The following EMP1 variants were observed in gnomAD, a reference collection of about 807,000 sequenced individuals.
EMP1 encodes the protein tumor-associated membrane protein.
EMP1 carries 5 observed loss-of-function variants against 15.7 expected under a neutral mutation model. The ratio of observed to expected loss-of-function variants is 0.32; its 90% CI spans 0.17 to 0.67. The LOEUF is 0.67. EMP1 is among the 30% of genes least tolerant of loss of function. EMP1 has a pLI of 0.74. For missense variants in EMP1, 166 were observed against 194.2 expected, an observed-to-expected ratio of 0.85 and a Z score of 0.86; for synonymous variants, 78 against 76.7, an observed-to-expected ratio of 1.02 and a Z score of -0.09.
At chr12:13,210,362 G>C (rs1864153819) in intron 1 of EMP1, among the ~76,000 whole-genome samples, 1 of 152,168 alleles carries the variant, frequency 6.6e-6, no homozygotes, top group Admixed American at 6.5e-5. Flanking sequence ...CTCTGAGCCT[G>C]CACTGCTTTG....
chr12:13,218,211 A>G lies in EMP1; in HGVS notation c.*3520A>G, dbSNP rs1200498862. 6.6e-6 allele frequency: 1 copy of G among 152,226 alleles called. No homozygotes were observed. The highest frequency in any genetic ancestry group is 1.5e-5 in the Non-Finnish European group (1 of 68,046). 9.4% of individuals were successfully genotyped at this position (152,226 alleles called of 1,614,324 possible). ...ATCCCACTCTGCCTTGGATTTAGCC[A>G]TCGCAGTCCCTGTGTAAAACCCCAC... On this transcript the variant is annotated 3_prime_UTR_variant, in exon 5 of 5. Transcript: ENST00000256951.
intron 1 of EMP1, among the ~76,000 whole-genome samples, chr12:13,210,176 A>G (rs1255571145): frequency 1.3e-5 from 2 of 152,216 alleles, no homozygotes; most frequent in African/African-American, 4.8e-5. Context: ...TAAATACCTG[A>G]TGTGGCATGA....
At position 13,213,481 on chromosome 12, in the gene EMP1, C is replaced by G. The variant is rs1014514884; in HGVS notation, c.81C>G (p.Val27=). The G allele has an allele frequency of 1.9e-6, 3 of 1,613,988 alleles. No individual in the cohort carries two copies. The highest frequency in any genetic ancestry group is 4.5e-5 in the East Asian group (2 of 44,882). ...ATTTTCTTTCCTTCTGGTTTCAGGT[C>G]TGGTTGGTTTCCAATACGGTAGATG... is the stretch of plus-strand genomic sequence containing the variant. ...IMLFVSTIAN[V]WLVSNTVDAS... The change falls in exon 3 of 5, where the codon GTC becomes GTG. Residue 27 remains valine, a splice_region_variant and synonymous_variant. Coordinates refer to ENST00000256951, the MANE Select transcript of EMP1 (RefSeq NM_001423.3).
chr12:13,197,850 G>T (rs1418368623), intron 1 of EMP1, among the ~76,000 whole-genome samples: 1 of 152,146 alleles, frequency 6.6e-6, no homozygotes, highest in East Asian at 1.9e-4. Flanking sequence ...GAGGCAAATG[G>T]TGTTTTAAAT....
intron 2 of EMP1, among the ~76,000 whole-genome samples, chr12:13,212,696 C>A (rs1864176726): frequency 6.6e-6 from 1 of 152,220 alleles, no homozygotes; most frequent in Admixed American, 6.5e-5. Context: ...GAATGAAGAG[C>A]AGGGATTGGC....
Position 13,213,836 on chromosome 12 carries a change from G to T in EMP1, c.316+15G>T, listed in dbSNP as rs1323554117. 2 of 1,612,976 alleles carry T rather than the reference G, an allele frequency of 1.2e-6. No individual in the cohort carries two copies. The highest frequency in any genetic ancestry group is 2.7e-5 in the African/African-American group (2 of 74,908). ...ACTGGTGTGCTGTGAGTATCTCATG[G>T]GTAGACTCCAGTTTACACTTTTAAG... On this transcript the variant is annotated intron_variant, in intron 4 of 4. Coordinates refer to ENST00000256951, the MANE Select transcript of EMP1 (RefSeq NM_001423.3).
At chr12:13,213,899 A>T (rs1315101913) in intron 4 of EMP1, 78 bp downstream of exon 4, 1 of 1,582,556 alleles carries the variant, frequency 6.3e-7, no homozygotes, top group African/African-American at 1.3e-5. Context: ...ACTTGAACAG[A>T]TTAGCACATG....
chr12:13,201,238 C>A (rs1864063713), intron 1 of EMP1, among the ~76,000 whole-genome samples: 1 of 152,070 alleles, frequency 6.6e-6, no homozygotes, highest in African/African-American at 2.4e-5. Flanking sequence ...GAGACCCTGT[C>A]TCTAAAAGAA....
chr12:13,210,489 C>T lies in EMP1; in HGVS notation c.-42-980C>T, dbSNP rs1229395727. 2.0e-5 allele frequency among the ~76,000 whole-genome samples: 3 copies of T among 152,304 alleles called. No individual in the cohort carries two copies. The East Asian group carries it at 5.8e-4, about 29-fold the overall frequency. On this transcript the variant is annotated intron_variant, in intron 1 of 4. Transcript: ENST00000256951. ...TCCTAGGCTTTATGATCAATGGGCT[C>T]CCTTCTCTGCTGTGATTATGGCTGA...
intron 1 of EMP1, among the ~76,000 whole-genome samples, chr12:13,202,779 T>A (rs1015239567): frequency 2.6e-5 from 4 of 151,978 alleles, no homozygotes; most frequent in Non-Finnish European, 4.4e-5. Flanking sequence ...TTAAGGGGTA[T>A]ATGCTGACTC....
chr12:13,213,909 G>A (rs949957632), intron 4 of EMP1, 88 bp downstream of exon 4: 1 of 1,568,350 alleles, frequency 6.4e-7, no homozygotes, highest in South Asian at 1.1e-5. Context: ...ATTAGCACAT[G>A]GTTCAGTGAA....
At chr12:13,203,085 CTAGG>C (rs2121147145) in intron 1 of EMP1, among the ~76,000 whole-genome samples, 1 of 152,262 alleles carries the variant, frequency 6.6e-6, no homozygotes, top group Non-Finnish European at 1.5e-5. Flanking sequence ...TGGGGTGTCT[CTAGG>C]CGAGGGGCCT....
rs1864211138 is a variant in EMP1, at chr12:13,215,935, T to C, written c.*1244T>C. The C allele has an allele frequency of 6.2e-6, 1 of 161,662 alleles. No individual in the cohort carries two copies. The highest frequency in any genetic ancestry group is 2.4e-5 in the African/African-American group (1 of 41,444). The allele number at this position is 161,662 out of a possible 1,614,324, so 10.0% of individuals were successfully genotyped here. On this transcript the variant is annotated 3_prime_UTR_variant, in exon 5 of 5. Transcript: ENST00000256951. Reference sequence around the variant, plus strand: ...CAGAGTGCCTGCATTCCCAGGAAAATACGAAAATCCCATGAGATAAATAAA... The same window carrying C: ...CAGAGTGCCTGCATTCCCAGGAAAACACGAAAATCCCATGAGATAAATAAA...
At chr12:13,197,901 T>C (rs529937285) in intron 1 of EMP1, among the ~76,000 whole-genome samples, 1 of 152,272 alleles carries the variant, frequency 6.6e-6, no homozygotes, top group Admixed American at 6.5e-5. Flanking sequence ...CAGGAGCTGA[T>C]GAGGATTCCA....
rs112127969 is a variant in EMP1 at position 13,216,505 on chromosome 12, A to G, written c.*1814A>G. On this transcript the variant is annotated 3_prime_UTR_variant, in exon 5 of 5. Coordinates refer to ENST00000256951, the MANE Select transcript of EMP1 (RefSeq NM_001423.3). ...TATAGAAGGCTGTCTTAGTGCAAAA[A>G]ACATACTTACATTTCAGACATATCC... 1,886 of 700,300 alleles carry G rather than the reference A, an allele frequency of 2.7e-3. 29 individuals carry two copies. The African/African-American group carries it at 0.03, about 11-fold the overall frequency. 43.4% of individuals were successfully genotyped at this position (700,300 alleles called of 1,614,324 possible). A position where few individuals can be genotyped will look rare whatever the true frequency, so the allele number is the denominator to read the frequency against.
At chr12:13,197,311 T>A (rs7132172) in intron 1 of EMP1, among the ~76,000 whole-genome samples, 1 of 152,016 alleles carries the variant, frequency 6.6e-6, no homozygotes, top group African/African-American at 2.4e-5. Flanking sequence ...ACTGTTACTC[T>A]GCTCGCTGGT....
intron 1 of EMP1, among the ~76,000 whole-genome samples, chr12:13,203,219 C>T (rs1300289277): frequency 6.6e-6 from 1 of 152,214 alleles, no homozygotes; most frequent in Non-Finnish European, 1.5e-5. Flanking sequence ...AGGTTTTCTT[C>T]CCAAACCCCT....
At position 13,215,681 on chromosome 12, in the gene EMP1, T is replaced by C. The variant is rs1037124715; in HGVS notation, c.*990T>C. ...TTTTTGAGGAAGTTTTGTCTAATTA[T>C]CAATATTGAGGATCAGGGCTCCTAG... On this transcript the variant is annotated 3_prime_UTR_variant, in exon 5 of 5. Transcript: ENST00000256951. The C allele has an allele frequency of 6.6e-6, 1 of 152,420 alleles. No individual in the cohort carries two copies. The highest frequency in any genetic ancestry group is 2.4e-5 in the African/African-American group (1 of 41,434). The allele number at this position is 152,420 out of a possible 1,614,324, so 9.4% of individuals were successfully genotyped here.
intron 1 of EMP1, among the ~76,000 whole-genome samples, chr12:13,198,550 C>T (rs562168699): frequency 2.0e-5 from 3 of 152,370 alleles, no homozygotes; most frequent in Admixed American, 2.0e-4. Context: ...GGAACTCCTA[C>T]ATTTGCTTCA....
Sources: gnomAD v4.1 joint callset for allele counts (sites outside exome capture counted in the v4.1 genomes callset) on GRCh38, gnomAD v4.1.1 for gene constraint, MANE v1.5 for transcripts, NCBI Gene and HGNC (gene_info 2026-07-23, HGNC 2026-07-21) for gene names.